The following UBE2D2 variants were observed in gnomAD, a reference collection of about 807,000 sequenced individuals.
The protein encoded by UBE2D2 is ubiquitin-conjugating enzyme E2 D2.
UBE2D2 carries 2 observed loss-of-function variants against 24.2 expected under a neutral mutation model. The ratio of observed to expected loss-of-function variants is 0.08; its 90% CI spans 0.03 to 0.26. UBE2D2 has a LOEUF of 0.26. UBE2D2 is among the 10% of genes least tolerant of loss of function. The pLI is 1.00. For missense variants in UBE2D2, 44 were observed against 177.6 expected (o/e 0.25, Z 4.28); for synonymous variants, 58 against 56.5 (o/e 1.03, Z -0.12).
intron 1 of UBE2D2, among the ~76,000 whole-genome samples, chr5:139,570,916 A>G (rs1257022592): frequency 6.6e-6 from 1 of 152,178 alleles, no homozygotes; most frequent in Non-Finnish European, 1.5e-5. Flanking sequence ...CAAGTTTATT[A>G]GGAAAGTAAA....
chr5:139,531,104 C>T (rs1014816400), intron 1 of UBE2D2, among the ~76,000 whole-genome samples: 2 of 151,942 alleles, frequency 1.3e-5, no homozygotes, highest in Non-Finnish European at 2.9e-5. Context: ...AGAGAGAGAC[C>T]CTCTCATATT....
intron 1 of UBE2D2, among the ~76,000 whole-genome samples, chr5:139,582,430 T>C (rs1185285208): frequency 2.0e-5 from 3 of 151,866 alleles, no homozygotes; most frequent in Non-Finnish European, 4.4e-5. Context: ...AGGCTGGTCT[T>C]GGACTCCTGA....
intron 2 of UBE2D2, among the ~76,000 whole-genome samples, chr5:139,610,011 T>C (rs1407365691): frequency 1.3e-5 from 2 of 152,108 alleles, no homozygotes; most frequent in East Asian, 3.9e-4. Flanking sequence ...GGCCTCATGA[T>C]TCATCTGCCT....
intron 1 of UBE2D2, among the ~76,000 whole-genome samples, chr5:139,539,110 C>T (rs1373470207): frequency 2.0e-5 from 3 of 151,800 alleles, no homozygotes; most frequent in Non-Finnish European, 2.9e-5. Context: ...CTGCAACCTC[C>T]ACCTCCCGGG....
intron 1 of UBE2D2, among the ~76,000 whole-genome samples, chr5:139,584,870 A>G (rs543479976): frequency 9.5e-5 from 14 of 147,522 alleles, no homozygotes; most frequent in African/African-American, 2.7e-4. Flanking sequence ...TAATTACATC[A>G]TAATATATTG....
chr5:139,583,906 A>G (rs1753660570), intron 1 of UBE2D2, among the ~76,000 whole-genome samples: 1 of 152,236 alleles, frequency 6.6e-6, no homozygotes, highest in South Asian at 2.1e-4. Context: ...GTCCCATAAG[A>G]TAATGGAGCC....
At chr5:139,588,177 G>T (rs1380401186) in intron 1 of UBE2D2, among the ~76,000 whole-genome samples, 4 of 151,958 alleles carry the variant, frequency 2.6e-5, no homozygotes, top group African/African-American at 9.7e-5. Context: ...TGCCTAGGCT[G>T]GTCTTGAACT....
At chr5:139,542,149 T>C (rs1752769472) in intron 1 of UBE2D2, among the ~76,000 whole-genome samples, 1 of 152,234 alleles carries the variant, frequency 6.6e-6, no homozygotes, top group South Asian at 2.1e-4. Context: ...ATGGTGTCAC[T>C]GCATTCCACC....
At chr5:139,605,591 C>CAAAAAAAAAAAAAAAAAAAAAA (rs70988710) in intron 2 of UBE2D2, among the ~76,000 whole-genome samples, 3 of 44,708 alleles carry the variant, frequency 6.7e-5, no homozygotes, top group African/African-American at 1.7e-4. Context: ...GACTCTGTCT[C>CAAAAAAAAAAAAAAAAAAAAAA]AAAAAAAAAA....
chr5:139,559,738 T>C (rs1753032936), upstream of UBE2D2, among the ~76,000 whole-genome samples: 1 of 152,160 alleles, frequency 6.6e-6, no homozygotes, highest in Non-Finnish European at 1.5e-5. Flanking sequence ...GAATCAATGA[T>C]CTGCAAGGTC....
chr5:139,559,343 C>A (rs996587667), upstream of UBE2D2, among the ~76,000 whole-genome samples: 1 of 151,824 alleles, frequency 6.6e-6, no homozygotes, highest in African/African-American at 2.4e-5. Context: ...GGGAGAATGG[C>A]CTGAACCCGG....
chr5:139,595,892 G>GTTTTTT (rs70988709), intron 1 of UBE2D2, among the ~76,000 whole-genome samples: 2 of 98,848 alleles, frequency 2.0e-5, no homozygotes, highest in Non-Finnish European at 3.9e-5. Context: ...GTTTTTTGTT[G>GTTTTTT]TTTTTTTTTT....
chr5:139,550,730 G>T (rs368517544), intron 1 of UBE2D2, among the ~76,000 whole-genome samples: 2 of 151,244 alleles, frequency 1.3e-5, no homozygotes, highest in Non-Finnish European at 2.9e-5. Context: ...AGTAACTCCA[G>T]ACGCGCTGCC....
chr5:139,625,234 T>TAGCTG (rs1305623522), intron 6 of UBE2D2, among the ~76,000 whole-genome samples: 1 of 151,128 alleles, frequency 6.6e-6, no homozygotes, highest in Non-Finnish European at 1.5e-5. Context: ...GCCTCCCCAG[T>TAGCTG]AGCTGGGACT....
At chr5:139,532,046 G>C (rs1157077586) in intron 1 of UBE2D2, among the ~76,000 whole-genome samples, 1 of 151,916 alleles carries the variant, frequency 6.6e-6, no homozygotes, top group Non-Finnish European at 1.5e-5. Context: ...GGGGGTGTGA[G>C]GAAACACTGT....
At chr5:139,613,031 G>A (rs1475603645) in intron 2 of UBE2D2, among the ~76,000 whole-genome samples, 2 of 152,168 alleles carry the variant, frequency 1.3e-5, no homozygotes, top group Non-Finnish European at 2.9e-5. Flanking sequence ...GGCTTACTCA[G>A]TCCATTAAAT....
chr5:139,563,655 G>A (rs1222223433), intron 1 of UBE2D2, among the ~76,000 whole-genome samples: 1 of 152,122 alleles, frequency 6.6e-6, no homozygotes, highest in Admixed American at 6.6e-5. Flanking sequence ...TAGACCTGCC[G>A]GGCGCGGTGG....
intron 1 of UBE2D2, among the ~76,000 whole-genome samples, chr5:139,586,512 TC>T (rs1753728995): frequency 6.6e-6 from 1 of 152,150 alleles, no homozygotes; most frequent in African/African-American, 2.4e-5. Flanking sequence ...ACGCCTGTAA[TC>T]CCCACACTTT....
chr5:139,599,758 CAAAA>C (rs753190604), intron 1 of UBE2D2, among the ~76,000 whole-genome samples: 2 of 151,106 alleles, frequency 1.3e-5, no homozygotes, highest in African/African-American at 2.4e-5. Flanking sequence ...AACAAACAAA[CAAAA>C]AAAACAGTAT....
Sources: gnomAD v4.1 joint callset for allele counts (sites outside exome capture counted in the v4.1 genomes callset) on GRCh38, gnomAD v4.1.1 for gene constraint, MANE v1.5 for transcripts, NCBI Gene and HGNC (gene_info 2026-07-23, HGNC 2026-07-21) for gene names.